Variants in SYTL5 observed in about 807,000 individuals in gnomAD.
SYTL5 encodes synaptotagmin like 5, also known as synaptotagmin-like protein 5.
SYTL5 carries 34 observed loss-of-function variants against 55.9 expected under a neutral mutation model. The ratio of observed to expected loss-of-function variants is 0.61; its 90% CI spans 0.46 to 0.81. SYTL5 has a LOEUF of 0.81. Among genes scored for constraint, SYTL5 ranks in the 30% least tolerant of loss-of-function variants. SYTL5 has a pLI of 0.00. For missense variants in SYTL5, 637 were observed against 546.7 expected, an observed-to-expected ratio of 1.17 and a Z score of -1.65; for synonymous variants, 221 against 188.7, an observed-to-expected ratio of 1.17 and a Z score of -1.40.
chrX:37,984,079 G>A, the SYTL5 span, among the ~76,000 whole-genome samples: 3 of 110,840 alleles, frequency 2.7e-5, no homozygotes, highest in Non-Finnish European at 5.7e-5. Context: ...TTCCACCTAA[G>A]AGACTGAAAA....
At chrX:37,929,672 T>C in the SYTL5 span, among the ~76,000 whole-genome samples, 8 of 111,377 alleles carry the variant, frequency 7.2e-5, no homozygotes, top group Non-Finnish European at 1.5e-4. Flanking sequence ...CTGAGACAAA[T>C]GGCCACCTTT....
chrX:38,003,139 G>A (rs1038772680), upstream of SYTL5, among the ~76,000 whole-genome samples: 2 of 111,556 alleles, frequency 1.8e-5, no homozygotes, highest in African/African-American at 6.5e-5. Flanking sequence ...TTTCCCCATT[G>A]CTTGTTTTTC....
intron 9 of SYTL5, among the ~76,000 whole-genome samples, chrX:38,098,999 A>G (rs1448115043): frequency 9.0e-6 from 1 of 110,944 alleles, no homozygotes; most frequent in Non-Finnish European, 1.9e-5. Flanking sequence ...CCAGGGAGTG[A>G]AGAAGTAGGG....
chrX:37,898,074 T>C, the SYTL5 span, among the ~76,000 whole-genome samples: 2 of 111,362 alleles, frequency 1.8e-5, no homozygotes, highest in Non-Finnish European at 3.8e-5. Context: ...CACTGCAGCC[T>C]GGACAACAAA....
the SYTL5 span, among the ~76,000 whole-genome samples, chrX:37,970,175 T>C: frequency 9.0e-6 from 1 of 111,503 alleles, no homozygotes; most frequent in Non-Finnish European, 1.9e-5. Flanking sequence ...AACTGAATTA[T>C]ACAACCCCTT....
the SYTL5 span, among the ~76,000 whole-genome samples, chrX:37,936,832 G>T: frequency 6.4e-5 from 7 of 109,835 alleles, no homozygotes; most frequent in Non-Finnish European, 1.1e-4. Flanking sequence ...ACCTGAGGTT[G>T]GGAGTTCGAG....
the SYTL5 span, among the ~76,000 whole-genome samples, chrX:37,970,573 C>T: frequency 9.0e-6 from 1 of 110,796 alleles, no homozygotes; most frequent in Admixed American, 9.7e-5. Context: ...ACCTTAGATC[C>T]TAAATTATGA....
intron 3 of SYTL5, among the ~76,000 whole-genome samples, chrX:38,066,150 T>C (rs1936095283): frequency 8.9e-6 from 1 of 111,773 alleles, no homozygotes; most frequent in South Asian, 3.7e-4. Context: ...TGAATTAGTT[T>C]CCTTATGAAT....
In SYTL5 at chrX:38,072,796, G is replaced by T. The variant is rs59921785; in HGVS notation, c.445+634G>T. Among the ~76,000 whole-genome samples the T allele has an allele frequency of 8.3e-3, 930 of 112,042 alleles. 10 individuals are homozygous for T. Among genetic ancestry groups the T allele is most frequent in the African/African-American group, 0.029 (892 of 30,831 alleles). ...CACTTTACCTTGACAGTGCCTTTTG[G>T]TGCATTCAAATTACAATTTAGTTAA... On this transcript the variant is annotated intron_variant, in intron 4 of 16. Coordinates refer to ENST00000297875, the MANE Select transcript of SYTL5 (RefSeq NM_138780.3).
intron 9 of SYTL5, among the ~76,000 whole-genome samples, chrX:38,097,949 C>A (rs1367054423): frequency 1.8e-5 from 2 of 108,752 alleles, no homozygotes; most frequent in Non-Finnish European, 3.9e-5. Context: ...ACCTTTTCAA[C>A]AAATCATACT....
the SYTL5 span, chrX:37,990,932 C>T: frequency 1.1e-5 from 13 of 1,210,078 alleles, no homozygotes; most frequent in South Asian, 5.3e-5. Context: ...CTAGGAGCTT[C>T]GTGGACCGCG....
chrX:37,963,935 A>T, the SYTL5 span, among the ~76,000 whole-genome samples: 1,114 of 111,920 alleles, frequency 1.0e-2, 15 homozygotes, highest in African/African-American at 0.035. Flanking sequence ...ATGGGGTATT[A>T]CATTTTGTCA....
chrX:37,954,719 T>C, the SYTL5 span, among the ~76,000 whole-genome samples: 1 of 111,825 alleles, frequency 8.9e-6, no homozygotes, highest in South Asian at 3.7e-4. Context: ...TTATGTTGTA[T>C]TATATTTCTG....
At chrX:38,017,506 CT>C (rs1934394539) in intron 1 of SYTL5, among the ~76,000 whole-genome samples, 1 of 109,925 alleles carries the variant, frequency 9.1e-6, no homozygotes, top group East Asian at 2.9e-4. Flanking sequence ...TTAGACTTAA[CT>C]AACTGCTCCT....
chrX:37,975,354 C>T, the SYTL5 span, among the ~76,000 whole-genome samples: 1 of 111,925 alleles, frequency 8.9e-6, no homozygotes, highest in Non-Finnish European at 1.9e-5. Flanking sequence ...TGGGTGTTTA[C>T]AGTAGGGTGA....
chrX:38,037,318 C>T (rs1223729989), intron 2 of SYTL5, among the ~76,000 whole-genome samples: 2 of 111,748 alleles, frequency 1.8e-5, no homozygotes, highest in Middle Eastern at 4.6e-3. Flanking sequence ...TCCTGCCTCC[C>T]TTACTCCCTT....
chrX:38,080,319 G>A lies in SYTL5; in HGVS notation c.689+3618G>A, dbSNP rs183936507. On this transcript the variant is annotated intron_variant, in intron 6 of 16. Transcript: ENST00000297875. The stretch of plus-strand genomic sequence containing the variant: ...AAGAATGATGCTGTTTCTCAGTAGC[G>A]TTTCTATCATGTCATTGGAGAATAT... 1.8e-3 allele frequency among the ~76,000 whole-genome samples: 205 copies of A among 112,095 alleles called. 2 individuals carry two copies. Among genetic ancestry groups the A allele is most frequent in the Admixed American group, 0.018 (192 of 10,586 alleles).
At chrX:37,955,509 T>C in the SYTL5 span, among the ~76,000 whole-genome samples, 1 of 112,152 alleles carries the variant, frequency 8.9e-6, no homozygotes, top group Admixed American at 9.5e-5. Flanking sequence ...GTCTGTATTG[T>C]GTTATGCTAG....
chrX:38,101,649 A>ATG (rs1217197743), intron 9 of SYTL5, among the ~76,000 whole-genome samples: 11 of 108,547 alleles, frequency 1.0e-4, no homozygotes, highest in African/African-American at 2.0e-4. Context: ...GTATATATGT[A>ATG]TGTGTGTGTG....
Sources: allele counts gnomAD v4.1 joint callset (sites outside exome capture counted in the v4.1 genomes callset), GRCh38; gene constraint gnomAD v4.1.1; transcripts MANE v1.5; gene names NCBI Gene and HGNC (gene_info 2026-07-23, HGNC 2026-07-21).